The following LNX1 variants were observed in gnomAD, a reference collection of about 807,000 sequenced individuals.
LNX1 encodes E3 ubiquitin-protein ligase LNX.
Under a neutral mutation model 68.4 loss-of-function variants are expected in LNX1, and 54 were observed. That is an observed-to-expected ratio of 0.79 (90% CI 0.63 to 0.99). The LOEUF (loss-of-function observed/expected upper bound fraction) is 0.99, where lower values mean the gene tolerates loss of function less well. Among genes scored for constraint, LNX1 ranks in the 50% least tolerant of loss-of-function variants. The pLI is 0.00. For missense variants in LNX1, 906 were observed against 926.4 expected, an observed-to-expected ratio of 0.98 and a Z score of 0.29; for synonymous variants, 336 against 350.0, an observed-to-expected ratio of 0.96 and a Z score of 0.45.
At chr4:53,527,927 G>A (rs1727741041) in intron 2 of LNX1, among the ~76,000 whole-genome samples, 1 of 152,210 alleles carries the variant, frequency 6.6e-6, no homozygotes, top group Non-Finnish European at 1.5e-5. Context: ...ATTAGGTGAT[G>A]TTTATGGTCT....
chr4:53,505,828 G>A (rs1725832157), intron 4 of LNX1, among the ~76,000 whole-genome samples: 1 of 152,152 alleles, frequency 6.6e-6, no homozygotes, highest in South Asian at 2.1e-4. Flanking sequence ...CCAGGAGGAG[G>A]CAAAGTCTTA....
At chr4:53,521,266 C>T (rs551497625) in intron 2 of LNX1, among the ~76,000 whole-genome samples, 1 of 152,278 alleles carries the variant, frequency 6.6e-6, no homozygotes, top group Non-Finnish European at 1.5e-5. Context: ...TATGCAACCC[C>T]AGGGGCTCTG....
chr4:53,503,658 G>A lies in LNX1; in HGVS notation c.775+3659C>T, dbSNP rs977142146. On this transcript the variant is annotated intron_variant, in intron 4 of 10. Transcript: ENST00000263925. ...AGTAGATTTAGCATAATTCTTAAGGGTCCTAGGATTTTTGAAATGATAAAT... is the reference window on the plus strand; with the variant it reads ...AGTAGATTTAGCATAATTCTTAAGGATCCTAGGATTTTTGAAATGATAAAT... Among the ~76,000 whole-genome samples, 4 of 152,144 alleles carry A rather than the reference G, an allele frequency of 2.6e-5. No homozygotes were observed. The East Asian group carries it at 7.7e-4, about 29-fold the overall frequency.
intron 2 of LNX1, among the ~76,000 whole-genome samples, chr4:53,568,328 A>G (rs1443972448): frequency 6.6e-6 from 1 of 151,762 alleles, no homozygotes; most frequent in Admixed American, 6.6e-5. Flanking sequence ...CCTGGGATGC[A>G]AGGCTGGTTC....
chr4:53,605,552 C>A (rs1206898867), intron 2 of LNX1, among the ~76,000 whole-genome samples: 1 of 152,164 alleles, frequency 6.6e-6, no homozygotes, highest in African/African-American at 2.4e-5. Flanking sequence ...CTCTATATAA[C>A]TACAACTTTG....
intron 1 of LNX1, among the ~76,000 whole-genome samples, chr4:53,633,843 A>C (rs1248777914): frequency 6.6e-6 from 1 of 152,064 alleles, no homozygotes; most frequent in Admixed American, 6.6e-5. Context: ...CTTTGGGGAG[A>C]TTGCATAACC....
intron 1 of LNX1, chr4:53,575,484 A>C: frequency 1.0e-6 from 1 of 985,236 alleles, no homozygotes; most frequent in Non-Finnish European, 1.2e-6. Flanking sequence ...GAGAGACTTA[A>C]AGGATATGCT....
At chr4:53,533,811 A>G (rs549880802) in intron 2 of LNX1, among the ~76,000 whole-genome samples, 5 of 152,366 alleles carry the variant, frequency 3.3e-5, no homozygotes, top group Admixed American at 6.5e-5. Flanking sequence ...CCCACAACCA[A>G]GAATTATCTG....
At chr4:53,581,586 T>A (rs1458848326) in intron 1 of LNX1, among the ~76,000 whole-genome samples, 1 of 152,094 alleles carries the variant, frequency 6.6e-6, no homozygotes, top group Admixed American at 6.6e-5. Flanking sequence ...AGCAAAAACA[T>A]GTCTAACATG....
chr4:53,514,200 G>A (rs1238421351), intron 2 of LNX1, among the ~76,000 whole-genome samples: 4 of 152,186 alleles, frequency 2.6e-5, no homozygotes, highest in African/African-American at 7.2e-5. Flanking sequence ...CAGGGATTAA[G>A]GTTCTGCTTT....
At chr4:53,592,632 C>T (rs1258971812), upstream of LNX1, among the ~76,000 whole-genome samples, 1 of 152,182 alleles carries the variant, frequency 6.6e-6, no homozygotes, top group African/African-American at 2.4e-5. Context: ...TTCCTATTTT[C>T]CTCCTACTTT....
chr4:53,613,697 C>T (rs11931649), intron 2 of LNX1, among the ~76,000 whole-genome samples: 16,804 of 152,184 alleles, frequency 0.11, 1,043 homozygotes, highest in Non-Finnish European at 0.15. Flanking sequence ...TTTTCTTTAT[C>T]CAGTCTATGA....
intron 9 of LNX1, among the ~76,000 whole-genome samples, chr4:53,474,484 T>A (rs547395433): frequency 6.6e-6 from 1 of 152,320 alleles, no homozygotes; most frequent in East Asian, 1.9e-4. Context: ...AGGCCCTTTT[T>A]AGAAAAGATT....
At chr4:53,604,986 C>A (rs1214275125) in intron 2 of LNX1, among the ~76,000 whole-genome samples, 1 of 152,174 alleles carries the variant, frequency 6.6e-6, no homozygotes, top group African/African-American at 2.4e-5. Context: ...TTTCAGGACA[C>A]CTGGATTACA....
chr4:53,591,210 C>T (rs1352538258), intron 1 of LNX1, among the ~76,000 whole-genome samples, 178 bp downstream of exon 1: 1 of 152,240 alleles, frequency 6.6e-6, no homozygotes, highest in South Asian at 2.1e-4. Flanking sequence ...GTTTATTGTG[C>T]AACTAGAATG....
intron 9 of LNX1, among the ~76,000 whole-genome samples, chr4:53,467,437 T>C (rs565283126): frequency 3.9e-5 from 6 of 152,208 alleles, no homozygotes; most frequent in African/African-American, 7.2e-5. Flanking sequence ...AGAGCGCCTC[T>C]CCTCCTCCAA....
chr4:53,511,745 G>C (rs2109534223), intron 2 of LNX1, among the ~76,000 whole-genome samples: 1 of 152,300 alleles, frequency 6.6e-6, no homozygotes, highest in Middle Eastern at 3.4e-3. Flanking sequence ...CTGCTAATGA[G>C]AGTTGGAGAC....
At chr4:53,486,260 C>T (rs1316512848) in intron 6 of LNX1, among the ~76,000 whole-genome samples, 3 of 151,678 alleles carry the variant, frequency 2.0e-5, no homozygotes, top group African/African-American at 4.9e-5. Flanking sequence ...CATATTGATG[C>T]CAAACTTAGT....
chr4:53,578,983 T>C (rs1445295476), intron 1 of LNX1, among the ~76,000 whole-genome samples: 1 of 151,696 alleles, frequency 6.6e-6, no homozygotes, highest in Non-Finnish European at 1.5e-5. Context: ...TAAACATGTA[T>C]GATGTATCAC....
Sources: allele counts gnomAD v4.1 joint callset (sites outside exome capture counted in the v4.1 genomes callset), GRCh38; gene constraint gnomAD v4.1.1; transcripts MANE v1.5; gene names NCBI Gene and HGNC (gene_info 2026-07-23, HGNC 2026-07-21).